Variants in CACNA1B observed in about 807,000 individuals in gnomAD.
CACNA1B encodes the protein voltage-dependent N-type calcium channel subunit alpha-1B.
Under a neutral mutation model 247.2 loss-of-function variants are expected in CACNA1B, and 70 were observed. The observed-to-expected ratio is 0.28, with a 90% CI of 0.23 to 0.35. The LOEUF (loss-of-function observed/expected upper bound fraction) is 0.35. Among genes scored for constraint, CACNA1B ranks in the 10% least tolerant of loss-of-function variants. The probability of loss-of-function intolerance (pLI) is 1.00; values close to 1 mark genes in which losing one functional copy is unlikely to be tolerated. For synonymous variants in CACNA1B, 1,231 were observed against 1,294.4 expected, an observed-to-expected ratio of 0.95 and a Z score of 1.05; for missense variants, 2,367 against 3,197.4, an observed-to-expected ratio of 0.74 and a Z score of 6.26.
At position 137,950,092 on chromosome 9, in the gene CACNA1B, C is replaced by T. The variant is rs540542839; in HGVS notation, c.967-2182C>T. ...AGGAGGAGGGCTGCTGTCTTGTTGC[C>T]GGTGAGTGCAGAAGTCTAGGTTCCC... On this transcript the variant is annotated intron_variant, in intron 6 of 46. Transcript: ENST00000371372. The surrounding 1 kb of genome is among the most constrained non-coding windows in gnomAD (Gnocchi z 4.8). 1.3e-5 allele frequency among the ~76,000 whole-genome samples: 2 copies of T among 152,284 alleles called. No homozygotes were observed. Among genetic ancestry groups the T allele is most frequent in the South Asian group, 2.1e-4 (1 of 4,812 alleles).
chr9:138,110,664 C>T (rs906083104), intron 39 of CACNA1B, among the ~76,000 whole-genome samples: 10 of 152,154 alleles, frequency 6.6e-5, no homozygotes, highest in African/African-American at 1.9e-4. Flanking sequence ...CCCAGGTGTT[C>T]GAGGTTCCAG....
At chr9:137,984,057 C>T (rs1343795569) in intron 12 of CACNA1B, 81 bp from the exon 13 acceptor site, 1 of 1,031,850 alleles carries the variant, frequency 9.7e-7, no homozygotes, top group African/African-American at 1.6e-5. Flanking sequence ...GAGGTGCAGC[C>T]ACGCAGGGTG....
chr9:137,941,465 T>C (rs988608654), intron 6 of CACNA1B, among the ~76,000 whole-genome samples: 3 of 152,208 alleles, frequency 2.0e-5, no homozygotes, highest in Non-Finnish European at 1.5e-5. Flanking sequence ...CATCCCATGC[T>C]TATGGATGGG....
chr9:138,009,950 C>A lies in CACNA1B; in HGVS notation c.2093-60C>A, dbSNP rs116581407. The A allele has an allele frequency of 8.3e-4, 1,110 of 1,335,296 alleles. 4 individuals carry two copies. In the African/African-American group the frequency reaches 0.014, roughly 17 times the overall value. 82.7% of individuals were successfully genotyped at this position (1,335,296 alleles called of 1,614,324 possible). A position where few individuals can be genotyped will look rare whatever the true frequency, so the allele number is the denominator to read the frequency against. Reference sequence around the variant, plus strand: ...TTGGGATCTGGGGAGATGGGGGAAGCTGCAGTGTGACTGGGGCCATGTGGG... The same window carrying A: ...TTGGGATCTGGGGAGATGGGGGAAGATGCAGTGTGACTGGGGCCATGTGGG... On this transcript the variant is annotated intron_variant, in intron 16 of 46. Coordinates refer to ENST00000371372, the MANE Select transcript of CACNA1B (RefSeq NM_000718.4).
Position 138,124,282 on chromosome 9 carries a change from A to G in CACNA1B, c.*2283A>G, listed in dbSNP as rs1420941890. The G allele has an allele frequency of 1.3e-5, 2 of 152,160 alleles. No individual in the cohort carries two copies. Among genetic ancestry groups the G allele is most frequent in the African/African-American group, 4.8e-5 (2 of 41,450 alleles). 9.4% of individuals were successfully genotyped at this position (152,160 alleles called of 1,614,324 possible). The stretch of plus-strand genomic sequence containing the variant: ...CAAGTTATGTGTGCATGTAACATAT[A>G]TACATATATACATATATACAAGTAT... On this transcript the variant is annotated 3_prime_UTR_variant, in exon 47 of 47. Transcript: ENST00000371372.
intron 6 of CACNA1B, among the ~76,000 whole-genome samples, chr9:137,922,667 T>C (rs1957500985): frequency 6.6e-6 from 1 of 152,060 alleles, no homozygotes; most frequent in Non-Finnish European, 1.5e-5. Flanking sequence ...GAGACAGGGG[T>C]TAAGGGAATG....
intron 6 of CACNA1B, among the ~76,000 whole-genome samples, chr9:137,939,308 A>T (rs1017669386): frequency 6.6e-6 from 1 of 152,218 alleles, no homozygotes; most frequent in Non-Finnish European, 1.5e-5. Context: ...AAACCATATA[A>T]ATAGGCCACA....
At chr9:138,086,978 TAATAA>T (rs1476301839) in intron 36 of CACNA1B, among the ~76,000 whole-genome samples, 2 of 151,180 alleles carry the variant, frequency 1.3e-5, no homozygotes, top group African/African-American at 2.4e-5. Flanking sequence ...TTTCTAACAA[TAATAA>T]AATAAAACTA....
rs200763878 is a variant in CACNA1B at position 137,913,282 on chromosome 9, C to G, written c.622+11C>G. 4 of 1,604,566 alleles carry G rather than the reference C, an allele frequency of 2.5e-6. No homozygotes were observed. Among genetic ancestry groups the G allele is most frequent in the South Asian group, 1.1e-5 (1 of 90,820 alleles). ...TGTCTGGGATTCCAAGTGAGTCCAGCGAAGACAGGCCCAAGCCGGCTTGGA... is the reference window on the plus strand; with the variant it reads ...TGTCTGGGATTCCAAGTGAGTCCAGGGAAGACAGGCCCAAGCCGGCTTGGA... On this transcript the variant is annotated intron_variant, in intron 4 of 46. Transcript: ENST00000371372. The surrounding 1 kb of genome is among the most constrained non-coding windows in gnomAD (Gnocchi z 5.2).
In CACNA1B at chr9:137,947,663, T is replaced by TC. The variant is rs559340366; in HGVS notation, c.967-4610dup. 3.0e-4 allele frequency among the ~76,000 whole-genome samples: 46 copies of TC among 152,260 alleles called. No homozygotes were observed. The East Asian group carries it at 8.7e-3, about 29-fold the overall frequency. ...AAATTCTCCTGGTTTCCCTAGTTTT[T>TC]CATTTGAGAATGTCTTGATTTCCCA... On this transcript the variant is annotated intron_variant, in intron 6 of 46. Transcript: ENST00000371372.
intron 20 of CACNA1B, among the ~76,000 whole-genome samples, chr9:138,033,509 T>C (rs750433740): frequency 5.3e-5 from 8 of 152,204 alleles, no homozygotes; most frequent in East Asian, 1.9e-4. Flanking sequence ...CTAAGTCTTA[T>C]TTACATCTTC....
chr9:138,035,893 G>GT (rs1959036802), intron 20 of CACNA1B, among the ~76,000 whole-genome samples: 4 of 152,136 alleles, frequency 2.6e-5, no homozygotes, highest in Admixed American at 2.6e-4. Context: ...TATATTGAAA[G>GT]TTTAAATTTT....
intron 20 of CACNA1B, among the ~76,000 whole-genome samples, chr9:138,040,088 C>T (rs930063884): frequency 6.6e-6 from 1 of 152,134 alleles, no homozygotes; most frequent in South Asian, 2.1e-4. Context: ...CAGGCGCACA[C>T]CACCATACCC....
chr9:137,892,236 C>T (rs1489200668), intron 3 of CACNA1B: 1 of 456,678 alleles, frequency 2.2e-6, no homozygotes, highest in East Asian at 6.9e-5. Context: ...CAGACATTTC[C>T]TTCTCAGTCC....
chr9:137,966,911 T>C (rs1958085047), intron 10 of CACNA1B, among the ~76,000 whole-genome samples: 1 of 151,790 alleles, frequency 6.6e-6, no homozygotes, highest in African/African-American at 2.4e-5. Context: ...TGTCTCAGCC[T>C]CCTGAGTAGC....
chr9:138,084,066 C>T (rs547415264), intron 36 of CACNA1B, among the ~76,000 whole-genome samples: 32 of 151,072 alleles, frequency 2.1e-4, no homozygotes, highest in African/African-American at 2.7e-4. Context: ...GCCCCCACCC[C>T]GCCCAGGAGT....
chr9:137,903,116 G>T (rs1957257872), intron 3 of CACNA1B, among the ~76,000 whole-genome samples: 1 of 152,132 alleles, frequency 6.6e-6, no homozygotes, highest in Admixed American at 6.5e-5. Flanking sequence ...TTCACCGGTG[G>T]CTCACGCCTG....
rs1419427031 is a variant in CACNA1B at position 138,023,738 on chromosome 9, A to G, written c.2995A>G (p.Lys999Glu). 2 of 1,537,136 alleles carry G rather than the reference A, an allele frequency of 1.3e-6. No individual in the cohort carries two copies. Among genetic ancestry groups the G allele is most frequent in the Non-Finnish European group, 1.8e-6 (2 of 1,139,442 alleles). ...HEAVEKETTEKEATEKEAEIV... is the reference protein window; with the variant it reads ...HEAVEKETTEEEATEKEAEIV... ...GGCTGTGGAGAAGGAGACCACGGAG[A>G]AGGAGGCCACGGAGAAGGAGGCTGA... The change falls in exon 19 of 47, where the codon AAG (lysine) becomes GAG (glutamate). Residue 999 changes from lysine to glutamate, a missense_variant. Physicochemically the swap from Lys to Glu is moderately conservative, Grantham distance 56. Transcript: ENST00000371372.
intron 26 of CACNA1B, among the ~76,000 whole-genome samples, chr9:138,056,385 C>T (rs1959499299): frequency 6.6e-6 from 1 of 152,180 alleles, no homozygotes; most frequent in Admixed American, 6.5e-5. Context: ...TCAGGTTTGT[C>T]CACGCAGTGG....
Sources: gnomAD v4.1 joint callset for allele counts (sites outside exome capture counted in the v4.1 genomes callset) on GRCh38, gnomAD v4.1.1 for gene constraint, Gnocchi (gnomAD v3.1) non-coding constraint, MANE v1.5 for transcripts, NCBI Gene and HGNC (gene_info 2026-07-23, HGNC 2026-07-21) for gene names.